Variants in LHFPL4 observed in about 807,000 individuals in gnomAD.
LHFPL4 encodes LHFPL tetraspan subfamily member 4 protein.
LHFPL4 carries 6 observed loss-of-function variants against 20.0 expected under a neutral mutation model. The observed-to-expected ratio is 0.30, with a 90% CI of 0.16 to 0.59. LHFPL4 has a LOEUF of 0.59. LHFPL4 is among the 20% of genes least tolerant of loss of function. LHFPL4 has a pLI of 0.88. For synonymous variants in LHFPL4, 129 were observed against 143.8 expected (o/e 0.90, Z 0.74); for missense variants, 215 against 331.2 (o/e 0.65, Z 2.72).
At chr3:9,523,090 A>AAGAAAGAAAGAG (rs1487753781) in intron 2 of LHFPL4, among the ~76,000 whole-genome samples, 46 of 143,080 alleles carry the variant, frequency 3.2e-4, no homozygotes, top group African/African-American at 1.1e-3. Flanking sequence ...GAAAGAAAGA[A>AAGAAAGAAAGAG]AGAGAGAGAG....
In LHFPL4 at chr3:9,500,288, A is replaced by G. The variant is rs1275359054; in HGVS notation, c.*1923T>C. ...CAACTCCCTCCCACGGGGCTCCCGC[A>G]TCCTCCCGCATTTAACTCGGACCCT... is the stretch of plus-strand genomic sequence containing the variant. On this transcript the variant is annotated 3_prime_UTR_variant, in exon 4 of 4. Transcript: ENST00000287585. 1 of 152,170 alleles carries G rather than the reference A, an allele frequency of 6.6e-6. No individual in the cohort carries two copies. The highest frequency in any genetic ancestry group is 6.6e-5 in the Admixed American group (1 of 15,260). 9.4% of individuals were successfully genotyped at this position (152,170 alleles called of 1,614,324 possible).
chr3:9,533,471 G>A (rs1189821512), intron 2 of LHFPL4, among the ~76,000 whole-genome samples: 3 of 152,118 alleles, frequency 2.0e-5, no homozygotes, highest in Admixed American at 1.3e-4. Flanking sequence ...TTCAAAAACA[G>A]GCAAAATCAG....
At chr3:9,510,869 C>T (rs111268293) in intron 2 of LHFPL4, among the ~76,000 whole-genome samples, 22,578 of 150,916 alleles carry the variant, frequency 0.15, 2,708 homozygotes, top group East Asian at 0.39. Flanking sequence ...ACCCAGGAGG[C>T]GGAGGTTGCA....
chr3:9,502,229 A>T lies in LHFPL4; in HGVS notation c.726T>A (p.Ala242=). 1 of 1,614,018 alleles carries T rather than the reference A, an allele frequency of 6.2e-7. No homozygotes were observed. The highest frequency in any genetic ancestry group is 8.5e-7 in the Non-Finnish European group (1 of 1,179,922). ...TGGCCTTTCAGGGTCCCTGTGAGTGAGCCACGGGGCAGGGAAGGACTCCCC... is the reference window on the plus strand; with the variant it reads ...TGGCCTTTCAGGGTCCCTGTGAGTGTGCCACGGGGCAGGGAAGGACTCCCC... The part of the protein sequence containing the change: ...SGWGVLPCPV[A]HSQGP Residue 242 remains alanine, a synonymous_variant, in exon 4 of 4, where the codon GCT becomes GCA. Transcript: ENST00000287585.
chr3:9,544,292 T>C (rs1308184136), intron 2 of LHFPL4, among the ~76,000 whole-genome samples: 2 of 143,582 alleles, frequency 1.4e-5, no homozygotes, highest in Admixed American at 1.4e-4. Context: ...CAATAAAAAT[T>C]AAAAAAAAAA....
intron 2 of LHFPL4, among the ~76,000 whole-genome samples, chr3:9,543,373 C>T (rs562129712): frequency 2.9e-4 from 44 of 151,938 alleles, no homozygotes; most frequent in East Asian, 1.9e-3. Context: ...TGGTGGCGGG[C>T]GCCTGTAGAC....
chr3:9,543,375 C>T (rs761656324), intron 2 of LHFPL4, among the ~76,000 whole-genome samples: 1 of 152,004 alleles, frequency 6.6e-6, no homozygotes, highest in Non-Finnish European at 1.5e-5. Context: ...GTGGCGGGCG[C>T]CTGTAGACCT....
intron 2 of LHFPL4, among the ~76,000 whole-genome samples, chr3:9,511,491 A>G (rs951191181): frequency 1.3e-5 from 2 of 152,220 alleles, no homozygotes; most frequent in Non-Finnish European, 1.5e-5. Flanking sequence ...AAGCACAGAT[A>G]GTTCCTTACT....
intron 2 of LHFPL4, among the ~76,000 whole-genome samples, chr3:9,534,083 G>C (rs1470703097): frequency 1.3e-5 from 2 of 151,972 alleles, no homozygotes; most frequent in East Asian, 3.9e-4. Flanking sequence ...AGGCATGGTG[G>C]TGCATGCCAC....
intron 3 of LHFPL4, among the ~76,000 whole-genome samples, chr3:9,503,754 G>A (rs1574835673): frequency 6.6e-6 from 1 of 152,358 alleles, no homozygotes; most frequent in East Asian, 1.9e-4. Context: ...TGCCAGGTAA[G>A]GTGGCTCACA....
At chr3:9,553,235 G>C (rs2046568944) in intron 1 of LHFPL4, among the ~76,000 whole-genome samples, 1 of 151,572 alleles carries the variant, frequency 6.6e-6, no homozygotes, top group Non-Finnish European at 1.5e-5. Context: ...CTTCTAGGAT[G>C]GGGGAAGAGG....
chr3:9,530,939 TC>T (rs138263396), intron 2 of LHFPL4, among the ~76,000 whole-genome samples: 7,206 of 152,194 alleles, frequency 0.047, 227 homozygotes, highest in Non-Finnish European at 0.067. Flanking sequence ...GATGTATGAT[TC>T]TTCCTTTCAC....
chr3:9,516,361 C>T (rs1182524459), intron 2 of LHFPL4, among the ~76,000 whole-genome samples: 1 of 152,074 alleles, frequency 6.6e-6, no homozygotes, highest in Admixed American at 6.6e-5. Context: ...ATTGTGTTGC[C>T]TTTGAGCCTT....
At chr3:9,546,693 T>C (rs111471282) in intron 2 of LHFPL4, among the ~76,000 whole-genome samples, 5 of 152,334 alleles carry the variant, frequency 3.3e-5, no homozygotes, top group Admixed American at 1.3e-4. Context: ...TGACAGTTTA[T>C]GCCTTCTTAA....
intron 2 of LHFPL4, among the ~76,000 whole-genome samples, chr3:9,537,631 T>G (rs1385637570): frequency 6.6e-6 from 1 of 152,128 alleles, no homozygotes; most frequent in Non-Finnish European, 1.5e-5. Context: ...CCCTTCCAAG[T>G]CCACCTTCTC....
intron 2 of LHFPL4, among the ~76,000 whole-genome samples, chr3:9,515,261 G>A (rs963958801): frequency 6.6e-6 from 1 of 152,204 alleles, no homozygotes; most frequent in Non-Finnish European, 1.5e-5. Context: ...GATGTGGAAC[G>A]TCTTCTCATA....
At chr3:9,505,486 C>T (rs1463909409) in intron 3 of LHFPL4, among the ~76,000 whole-genome samples, 1 of 151,872 alleles carries the variant, frequency 6.6e-6, no homozygotes, top group African/African-American at 2.4e-5. Flanking sequence ...GACAGAGTCT[C>T]GCTGTCTCCC....
chr3:9,510,637 G>A (rs184964467), intron 2 of LHFPL4, among the ~76,000 whole-genome samples: 21 of 151,910 alleles, frequency 1.4e-4, no homozygotes, highest in African/African-American at 4.8e-4. Context: ...TGATACTATT[G>A]TTAAAAATAG....
At chr3:9,532,760 A>G (rs1319092416) in intron 2 of LHFPL4, among the ~76,000 whole-genome samples, 1 of 151,902 alleles carries the variant, frequency 6.6e-6, no homozygotes, top group Admixed American at 6.6e-5. Flanking sequence ...GTTATAGGGG[A>G]TCAGGCTGGG....
Sources: gnomAD v4.1 joint callset for allele counts (sites outside exome capture counted in the v4.1 genomes callset) on GRCh38, gnomAD v4.1.1 for gene constraint, MANE v1.5 for transcripts, NCBI Gene and HGNC (gene_info 2026-07-23, HGNC 2026-07-21) for gene names.